The following MRPS9 variants were observed in gnomAD, a reference collection of about 807,000 sequenced individuals.
MRPS9 encodes the protein mitochondrial ribosomal protein S9.
A neutral mutation model predicts 59.9 loss-of-function variants in MRPS9; 45 were observed. The ratio of observed to expected loss-of-function variants is 0.75; its 90% CI spans 0.59 to 0.96. The LOEUF is 0.96. MRPS9 is among the 40% of genes least tolerant of loss of function. The probability of loss-of-function intolerance (pLI) is 0.00; values close to 1 mark genes in which losing one functional copy is unlikely to be tolerated. For synonymous variants in MRPS9, 171 were observed against 166.8 expected (o/e 1.03, Z -0.19); for missense variants, 473 against 481.1 (o/e 0.98, Z 0.16).
At chr2:105,038,330 C>A in intron 1 of MRPS9, 103 bp downstream of exon 1, 1 of 1,444,664 alleles carries the variant, frequency 6.9e-7, no homozygotes, top group Admixed American at 2.1e-5. Context: ...CAGGCAGGGA[C>A]TCTAGGATCT....
chr2:105,064,243 G>T (rs1447153798), intron 2 of MRPS9, among the ~76,000 whole-genome samples: 1 of 152,182 alleles, frequency 6.6e-6, no homozygotes, highest in African/African-American at 2.4e-5. Context: ...CTGCAAGAAG[G>T]AAGGGAGACA....
At chr2:105,083,693 T>G (rs1680391477) in intron 5 of MRPS9, among the ~76,000 whole-genome samples, 2 of 152,160 alleles carry the variant, frequency 1.3e-5, no homozygotes, top group African/African-American at 2.4e-5. Context: ...GAAATATTCT[T>G]CAGGAAAGAG....
chr2:105,084,707 G>A (rs1418227572), intron 5 of MRPS9, among the ~76,000 whole-genome samples: 1 of 152,152 alleles, frequency 6.6e-6, no homozygotes, highest in East Asian at 1.9e-4. Flanking sequence ...GCTACAAACT[G>A]ATGCTAAAAT....
chr2:105,060,017 T>TAAAAAAAAA (rs10547330), intron 2 of MRPS9, among the ~76,000 whole-genome samples: 4 of 100,604 alleles, frequency 4.0e-5, no homozygotes, highest in African/African-American at 1.5e-4. Context: ...GGAAAACTGC[T>TAAAAAAAAA]AAAAAAAAAA....
chr2:105,043,330 C>T (rs1180548383), intron 1 of MRPS9, among the ~76,000 whole-genome samples: 2 of 151,962 alleles, frequency 1.3e-5, no homozygotes, highest in Non-Finnish European at 2.9e-5. Flanking sequence ...ACATAGTATC[C>T]GTTTCCCCTT....
Position 105,093,649 on chromosome 2 carries a change from G to T in MRPS9, c.929+11G>T. The T allele has an allele frequency of 2.0e-6, 3 of 1,482,172 alleles. No homozygotes were observed. The highest frequency in any genetic ancestry group is 2.8e-6 in the Non-Finnish European group (3 of 1,087,038). 91.8% of individuals were successfully genotyped at this position (1,482,172 alleles called of 1,614,324 possible). On this transcript the variant is annotated intron_variant, in intron 9 of 10. Coordinates refer to ENST00000258455, the MANE Select transcript of MRPS9 (RefSeq NM_182640.3). ...GATCACACAGGACAGGTTCGTTTTG[G>T]GTTCTGATTTTTTGTTTTTAAAGGA...
At chr2:105,082,348 G>C (rs1254264729) in intron 5 of MRPS9, among the ~76,000 whole-genome samples, 1 of 152,200 alleles carries the variant, frequency 6.6e-6, no homozygotes, top group Non-Finnish European at 1.5e-5. Context: ...TTGGCCAGGA[G>C]CTGTGACAGG....
chr2:105,058,567 T>C (rs890774723), intron 2 of MRPS9, among the ~76,000 whole-genome samples: 8 of 152,234 alleles, frequency 5.3e-5, no homozygotes, highest in African/African-American at 1.7e-4. Flanking sequence ...CATTTCTTAT[T>C]TGGATTAAAT....
intron 1 of MRPS9, 141 bp downstream of exon 1, chr2:105,038,368 G>T (rs186830279): frequency 2.7e-5 from 30 of 1,116,760 alleles, no homozygotes; most frequent in South Asian, 2.6e-4. Flanking sequence ...TCTGAGGTTG[G>T]GGGGGAGGAG....
At chr2:105,053,704 T>C (rs1367158817) in intron 2 of MRPS9, among the ~76,000 whole-genome samples, 2 of 152,178 alleles carry the variant, frequency 1.3e-5, no homozygotes, top group Non-Finnish European at 2.9e-5. Flanking sequence ...AAATATAGAA[T>C]TATTTTCCAG....
chr2:105,092,576 A>T lies in MRPS9; in HGVS notation c.820+7A>T. 2 of 1,549,496 alleles carry T rather than the reference A, an allele frequency of 1.3e-6. 1 individual carries two copies. Among genetic ancestry groups the T allele is most frequent in the South Asian group, 2.5e-5 (2 of 80,098 alleles). On this transcript the variant is annotated splice_region_variant and intron_variant, in intron 8 of 10. Coordinates refer to ENST00000258455, the MANE Select transcript of MRPS9 (RefSeq NM_182640.3). Reference sequence around the variant, plus strand: ...GCCTTTAGCAAAAGTGAAGGTAATGACATTCTGTGGAGAGAAAATAAATTC... The same window carrying T: ...GCCTTTAGCAAAAGTGAAGGTAATGTCATTCTGTGGAGAGAAAATAAATTC...
In MRPS9 at chr2:105,088,973, G is replaced by C. The variant is rs1462341618; in HGVS notation, c.490-11G>C. ...ATTTTTAGCATGTACTGTATATTTT[G>C]TTTGCCATAGGATGTATATGGAATG... On this transcript the variant is annotated splice_polypyrimidine_tract_variant and intron_variant, in intron 5 of 10. Transcript: ENST00000258455. 6.3e-7 allele frequency: 1 copy of C among 1,582,182 alleles called. No individual in the cohort carries two copies. Among genetic ancestry groups the C allele is most frequent in the East Asian group, 2.2e-5 (1 of 44,554 alleles).
chr2:105,043,736 G>GT (rs1180557041), intron 1 of MRPS9, among the ~76,000 whole-genome samples: 22 of 150,540 alleles, frequency 1.5e-4, no homozygotes, highest in East Asian at 2.0e-4. Context: ...CTGGGTTCAA[G>GT]CAGTTCTCCT....
chr2:105,053,317 A>G (rs1366477476), intron 2 of MRPS9, among the ~76,000 whole-genome samples: 1 of 152,202 alleles, frequency 6.6e-6, no homozygotes, highest in African/African-American at 2.4e-5. Flanking sequence ...ATTTAATTCA[A>G]TTACATAGTT....
At chr2:105,089,587 G>A (rs138115516) in intron 6 of MRPS9, among the ~76,000 whole-genome samples, 1 of 152,214 alleles carries the variant, frequency 6.6e-6, no homozygotes, top group Non-Finnish European at 1.5e-5. Flanking sequence ...TTAGTCTATT[G>A]ACAGGTTAAC....
chr2:105,041,937 T>C (rs1458832148), intron 1 of MRPS9, among the ~76,000 whole-genome samples: 1 of 152,198 alleles, frequency 6.6e-6, no homozygotes, highest in Non-Finnish European at 1.5e-5. Context: ...TCTTATATAA[T>C]AAGAGCTTGA....
chr2:105,089,694 G>A (rs60647990), intron 6 of MRPS9, among the ~76,000 whole-genome samples: 1 of 152,122 alleles, frequency 6.6e-6, no homozygotes, highest in African/African-American at 2.4e-5. Flanking sequence ...GAGTTCCATA[G>A]TGGCATATTT....
chr2:105,074,685 T>C (rs1320839099), intron 4 of MRPS9, among the ~76,000 whole-genome samples: 2 of 152,266 alleles, frequency 1.3e-5, no homozygotes, highest in African/African-American at 4.8e-5. Context: ...TGAGCCAGAA[T>C]GTAGGGAGGC....
intron 10 of MRPS9, 122 bp downstream of exon 10, chr2:105,097,446 C>G: frequency 1.1e-6 from 1 of 900,222 alleles, no homozygotes. Flanking sequence ...TATTTCACTT[C>G]GCTGTCTTCT....
Sources: gnomAD v4.1 joint callset for allele counts (sites outside exome capture counted in the v4.1 genomes callset) on GRCh38, gnomAD v4.1.1 for gene constraint, MANE v1.5 for transcripts, NCBI Gene and HGNC (gene_info 2026-07-23, HGNC 2026-07-21) for gene names.